MGAM2: variants seen among roughly 807,000 people sequenced by gnomAD.
MGAM2 encodes maltase-glucoamylase 2 (putative).
Under a neutral mutation model 96.1 loss-of-function variants are expected in MGAM2, and 98 were observed. The ratio of observed to expected loss-of-function variants is 1.02; its 90% CI spans 0.87 to 1.21. The LOEUF (loss-of-function observed/expected upper bound fraction) is 1.21, where lower values mean the gene tolerates loss of function less well. Ranked by LOEUF, MGAM2 falls within the 50% of genes most tolerant of loss-of-function variation. The pLI, the probability that MGAM2 is intolerant of heterozygous loss-of-function variation, is 0.00. For missense variants in MGAM2, 2,055 were observed against 1,182.4 expected, an observed-to-expected ratio of 1.74 and a Z score of -10.82; for synonymous variants, 749 against 414.8, an observed-to-expected ratio of 1.81 and a Z score of -9.79.
rs1454601344 is a variant in MGAM2, at chr7:142,114,425, C to T, written c.1-2449C>T. ...AGCATTTCCAGTGGAATGCAGAAAA[C>T]ACAGCCAAGCCAATAACACATGAGG... On this transcript the variant is annotated intron_variant, in intron 1 of 47. Coordinates refer to ENST00000477922, the MANE Select transcript of MGAM2 (RefSeq NM_001293626.2). Among the ~76,000 whole-genome samples, 3 of 151,870 alleles carry T rather than the reference C, an allele frequency of 2.0e-5. No homozygotes were observed. In the East Asian group the frequency reaches 5.8e-4, roughly 29 times the overall value.
chr7:142,163,746 C>T (rs1795956132), intron 23 of MGAM2, among the ~76,000 whole-genome samples: 1 of 152,150 alleles, frequency 6.6e-6, no homozygotes, highest in Admixed American at 6.6e-5. Context: ...TGCATCATGG[C>T]CAGCATCTGA....
At chr7:142,191,341 G>A (rs1469879578) in intron 37 of MGAM2, among the ~76,000 whole-genome samples, 1 of 151,948 alleles carries the variant, frequency 6.6e-6, no homozygotes, top group East Asian at 1.9e-4. Context: ...TGCTTTTGGT[G>A]TCATATTCAA....
rs1218143337 is a variant in MGAM2, at chr7:142,158,100, C to T, written c.2078+9C>T. 1.4e-6 allele frequency: 1 copy of T among 701,532 alleles called. No homozygotes were observed. The highest frequency in any genetic ancestry group is 1.7e-5 in the African/African-American group (1 of 57,194). The allele number at this position is 701,532 out of a possible 1,614,324, so 43.5% of individuals were successfully genotyped here. On this transcript the variant is annotated intron_variant, in intron 18 of 47. Coordinates refer to ENST00000477922, the MANE Select transcript of MGAM2 (RefSeq NM_001293626.2). ...AGGCCCCTTGTACATGAGTGAGTTT[C>T]CTGATTCTCAAAGACTCCCTTTCTG...
chr7:142,181,532 C>G (rs4478493), intron 32 of MGAM2, among the ~76,000 whole-genome samples: 28,740 of 152,140 alleles, frequency 0.19, 2,998 homozygotes, highest in East Asian at 0.34. Flanking sequence ...TGGCCCCCTT[C>G]CCAAGTCCAT....
rs1489883369 is a variant in MGAM2 at position 142,145,875 on chromosome 7, T to A, written c.1516+930T>A. Among the ~76,000 whole-genome samples the A allele has an allele frequency of 3.3e-5, 5 of 152,254 alleles. No individual in the cohort carries two copies. In the South Asian group the frequency reaches 8.3e-4, roughly 25 times the overall value. ...AGCTTAACCTCAAGGGAAGGTATAA[T>A]CTTCTTATATTTCCAGAAAGAGAAC... On this transcript the variant is annotated intron_variant, in intron 14 of 47. Transcript: ENST00000477922.
chr7:142,183,644 T>A (rs1796606373), intron 33 of MGAM2, among the ~76,000 whole-genome samples: 1 of 152,140 alleles, frequency 6.6e-6, no homozygotes, highest in African/African-American at 2.4e-5. Flanking sequence ...ACATTAAGAA[T>A]CCCTTTGAGA....
chr7:142,173,457 C>G, intron 31 of MGAM2, 103 bp downstream of exon 31: 1 of 609,826 alleles, frequency 1.6e-6, no homozygotes, highest in African/African-American at 1.8e-5. Context: ...TAACTTGATA[C>G]ATTCAGGCTG....
intron 2 of MGAM2, among the ~76,000 whole-genome samples, chr7:142,119,350 G>A (rs535359740): frequency 1.6e-4 from 25 of 152,180 alleles, no homozygotes; most frequent in Middle Eastern, 3.4e-3. Flanking sequence ...TTTGGGAAGC[G>A]CAAGTCAAAA....
intron 37 of MGAM2, among the ~76,000 whole-genome samples, chr7:142,190,558 G>A (rs1158740689): frequency 2.0e-5 from 3 of 152,054 alleles, no homozygotes; most frequent in African/African-American, 4.8e-5. Flanking sequence ...ATAGGCATGA[G>A]CCATCGCACC....
rs1337270905 is a variant in MGAM2 at position 142,111,799 on chromosome 7, G to C, written c.-9G>C. The C allele has an allele frequency of 6.6e-6, 1 of 152,224 alleles. No individual in the cohort carries two copies. Among genetic ancestry groups the C allele is most frequent in the East Asian group, 1.9e-4 (1 of 5,186 alleles). 9.4% of individuals were successfully genotyped at this position (152,224 alleles called of 1,614,324 possible). Reference sequence around the variant, plus strand: ...AGAGATACAGCATAGAAAAAAACAAGGTGATGCGGTGAGTACGCTTCTCCA... The same window carrying C: ...AGAGATACAGCATAGAAAAAAACAACGTGATGCGGTGAGTACGCTTCTCCA... On this transcript the variant is annotated 5_prime_UTR_variant, in exon 1 of 48. Coordinates refer to ENST00000477922, the MANE Select transcript of MGAM2 (RefSeq NM_001293626.2).
chr7:142,178,655 A>T (rs760379535), intron 32 of MGAM2, among the ~76,000 whole-genome samples: 7 of 152,056 alleles, frequency 4.6e-5, no homozygotes, highest in Non-Finnish European at 1.0e-4. Context: ...TGAAGATCAG[A>T]TAATAATTGT....
intron 7 of MGAM2, among the ~76,000 whole-genome samples, chr7:142,135,723 T>TACACACACACACACACACACACAC (rs144830276): frequency 7.6e-5 from 11 of 145,114 alleles, no homozygotes; most frequent in East Asian, 4.1e-4. Flanking sequence ...CACTTAGAGT[T>TACACACACACACACACACACACAC]ACACACACAC....
rs2129082919 is a variant in MGAM2, at chr7:142,148,390, C to T, written c.1634+817C>T. ...CCATGACCACCACCACCATCCCTACCACCACCATCACCATCATCACTATCC... is the reference window on the plus strand; with the variant it reads ...CCATGACCACCACCACCATCCCTACTACCACCATCACCATCATCACTATCC... On this transcript the variant is annotated intron_variant, in intron 15 of 47. Coordinates refer to ENST00000477922, the MANE Select transcript of MGAM2 (RefSeq NM_001293626.2). This position sits in a 1 kb window ranked among gnomAD's most constrained non-coding sequence, Gnocchi z 4.2. Among the ~76,000 whole-genome samples, 1 of 152,138 alleles carries T rather than the reference C, an allele frequency of 6.6e-6. No homozygotes were observed. Among genetic ancestry groups the T allele is most frequent in the East Asian group, 1.9e-4 (1 of 5,180 alleles).
chr7:142,122,176 G>C (rs180759832), intron 3 of MGAM2, among the ~76,000 whole-genome samples: 1 of 151,810 alleles, frequency 6.6e-6, no homozygotes, highest in Non-Finnish European at 1.5e-5. Context: ...TTGCCTTCTC[G>C]TATTTATCAC....
At chr7:142,190,703 T>A (rs1401164109) in intron 37 of MGAM2, among the ~76,000 whole-genome samples, 1 of 152,242 alleles carries the variant, frequency 6.6e-6, no homozygotes, top group Non-Finnish European at 1.5e-5. Context: ...TAAAGTGATA[T>A]CTAATTGTTG....
In MGAM2 at chr7:142,154,798, G is replaced by A. The variant is rs1462883311; in HGVS notation, c.1876G>A (p.Gly626Arg). The A allele has an allele frequency of 1.1e-5, 8 of 703,592 alleles. No homozygotes were observed. The East Asian group carries it at 2.1e-4, about 19-fold the overall frequency. 43.6% of individuals were successfully genotyped at this position (703,592 alleles called of 1,614,324 possible). The change falls in exon 17 of 48, where the codon GGA (glycine) becomes AGA (arginine). Residue 626 changes from glycine to arginine, a missense_variant. Coordinates refer to ENST00000477922, the MANE Select transcript of MGAM2 (RefSeq NM_001293626.2). ...GCTCTGCAGAAGGTGGATGCAGCTTGGAGCATTTTATCCACTACCAAGGAA... is the reference window on the plus strand; with the variant it reads ...GCTCTGCAGAAGGTGGATGCAGCTTAGAGCATTTTATCCACTACCAAGGAA... ...EELCRRWMQL[G>R]AFYPLPRNHN...
Position 142,200,364 on chromosome 7 carries a change from G to T in MGAM2, c.5137+396G>T, listed in dbSNP as rs547899539. On this transcript the variant is annotated intron_variant, in intron 45 of 47. Coordinates refer to ENST00000477922, the MANE Select transcript of MGAM2 (RefSeq NM_001293626.2). Reference sequence around the variant, plus strand: ...CAGGCACCCTGTTCCTCACAAATAGGCCTGCTCAAGAGGCAATTTAGAGGT... The same window carrying T: ...CAGGCACCCTGTTCCTCACAAATAGTCCTGCTCAAGAGGCAATTTAGAGGT... Among the ~76,000 whole-genome samples, 7 of 152,252 alleles carry T rather than the reference G, an allele frequency of 4.6e-5. No homozygotes were observed. In the East Asian group the frequency reaches 1.2e-3, roughly 25 times the overall value.
At chr7:142,217,054 G>A (rs542109431) in intron 46 of MGAM2, among the ~76,000 whole-genome samples, 7 of 152,196 alleles carry the variant, frequency 4.6e-5, no homozygotes, top group South Asian at 2.1e-4. Flanking sequence ...CAGGAGTTCC[G>A]AAGTTACATG....
Position 142,167,253 on chromosome 7 carries a change from C to T in MGAM2, c.2809-15C>T. 1.5e-6 allele frequency: 1 copy of T among 668,946 alleles called. No homozygotes were observed. Among genetic ancestry groups the T allele is most frequent in the South Asian group, 1.6e-5 (1 of 61,426 alleles). The allele number at this position is 668,946 out of a possible 1,614,324, so 41.4% of individuals were successfully genotyped here. A position where few individuals can be genotyped will look rare whatever the true frequency, so the allele number is the denominator to read the frequency against. On this transcript the variant is annotated splice_polypyrimidine_tract_variant and intron_variant, in intron 25 of 47. Coordinates refer to ENST00000477922, the MANE Select transcript of MGAM2 (RefSeq NM_001293626.2). ...TGTATCAGAGGCTGAGCAAGACTTT[C>T]TCCTGTTATTCCAGGACACATCTAC...
Sources: allele counts gnomAD v4.1 joint callset (sites outside exome capture counted in the v4.1 genomes callset), GRCh38; gene constraint gnomAD v4.1.1; non-coding constraint Gnocchi (gnomAD v3.1); transcripts MANE v1.5; gene names NCBI Gene and HGNC (gene_info 2026-07-23, HGNC 2026-07-21).